Variants in ZNF699 observed in about 807,000 individuals in gnomAD.
ZNF699 encodes zinc finger protein 699.
A neutral mutation model predicts 22.5 loss-of-function variants in ZNF699; 18 were observed. The observed-to-expected ratio is 0.80, with a 90% CI of 0.55 to 1.19. ZNF699 has a LOEUF of 1.19. Among genes scored for constraint, ZNF699 ranks in the 50% most tolerant of loss-of-function variants. ZNF699 has a pLI of 0.00. For synonymous variants in ZNF699, 241 were observed against 262.3 expected, an observed-to-expected ratio of 0.92 and a Z score of 0.78; for missense variants, 670 against 763.4, an observed-to-expected ratio of 0.88 and a Z score of 1.44.
At chr19:9,304,932 A>AG (rs1009385579) in intron 2 of ZNF699, 140 bp downstream of exon 2, 2 of 597,764 alleles carry the variant, frequency 3.3e-6, no homozygotes, top group East Asian at 3.3e-5. Flanking sequence ...AAAAAAAAAA[A>AG]AAAAAAAACT....
rs1247813784 is a variant in ZNF699, at chr19:9,291,921, T to C, written c.*3554A>G. On this transcript the variant is annotated 3_prime_UTR_variant, in exon 6 of 6. Coordinates refer to ENST00000591998, the MANE Select transcript of ZNF699 (RefSeq NM_198535.3). The stretch of plus-strand genomic sequence containing the variant: ...TTCACCATGTTGGCCAGGCTGGTCT[T>C]AAACTCCTGACCTCAGGTGATCCGC... Among the ~76,000 whole-genome samples the C allele has an allele frequency of 6.6e-6, 1 of 152,032 alleles. No individual in the cohort carries two copies. Among genetic ancestry groups the C allele is most frequent in the Admixed American group, 6.6e-5 (1 of 15,260 alleles).
rs1332552192 is a variant in ZNF699 at position 9,296,892 on chromosome 19, T to G, written c.512A>C (p.Asn171Thr). The change falls in exon 6 of 6, where the codon AAT becomes ACT. Residue 171 changes from asparagine (N) to threonine (T), a missense_variant. Physicochemically the swap from Asn to Thr is moderately conservative, Grantham distance 65 (BLOSUM62 0). Coordinates refer to ENST00000591998, the MANE Select transcript of ZNF699 (RefSeq NM_198535.3). ...VENIYECYEE[N>T]QDGQTFSQVP... ...TTGGCTGAAAGTCTGTCCATCTTGA[T>G]TTTCTTCATAACATTCATAGATGTT... 1 of 1,612,566 alleles carries G rather than the reference T, an allele frequency of 6.2e-7. No homozygotes were observed. The highest frequency in any genetic ancestry group is 1.7e-5 in the Admixed American group (1 of 59,970).
In ZNF699 at chr19:9,296,685, T is replaced by C; in HGVS notation, c.719A>G (p.Lys240Arg). The C allele has an allele frequency of 1.9e-6, 3 of 1,611,116 alleles. No individual in the cohort carries two copies. The highest frequency in any genetic ancestry group is 2.5e-6 in the Non-Finnish European group (3 of 1,179,270). Residue 240 changes from lysine to arginine, a missense_variant, in exon 6 of 6, where the codon AAG becomes AGG. Coordinates refer to ENST00000591998, the MANE Select transcript of ZNF699 (RefSeq NM_198535.3). ...CTCTTCAGTGGGGGTTTTCATATGC[T>C]TCTTGAAACAAGCAAGAAAATGGAA... ...KAFHFLACFK[K>R]HMKTPTEEKP... is the part of the protein sequence containing the mutation.
chr19:9,297,728 GA>G lies in ZNF699; in HGVS notation c.286+151del. ...GTGGAAGGTCTTTGCCAAGAACAAG[GA>G]AAATGCGAGAGGACTGATAAAAAGT... On this transcript the variant is annotated intron_variant, in intron 4 of 5. Coordinates refer to ENST00000591998, the MANE Select transcript of ZNF699 (RefSeq NM_198535.3). This position sits in a 1 kb window ranked among gnomAD's most constrained non-coding sequence, Gnocchi z 4.3. The G allele has an allele frequency of 3.1e-6, 2 of 652,322 alleles. No individual in the cohort carries two copies. Among genetic ancestry groups the G allele is most frequent in the Non-Finnish European group, 2.6e-6 (1 of 384,296 alleles). 40.4% of individuals were successfully genotyped at this position (652,322 alleles called of 1,614,324 possible).
rs186685681 is a variant in ZNF699, at chr19:9,293,224, C to T, written c.*2251G>A. Among the ~76,000 whole-genome samples, 215 of 150,162 alleles carry T rather than the reference C, an allele frequency of 1.4e-3. No individual in the cohort carries two copies. The highest frequency in any genetic ancestry group is 1.7e-3 in the Non-Finnish European group (118 of 67,722). The stretch of plus-strand genomic sequence containing the variant: ...AAATCCAAATAGCCAATAAGCACAT[C>T]GAAAAGTACTCGAAATCATTACACA... On this transcript the variant is annotated 3_prime_UTR_variant, in exon 6 of 6. Transcript: ENST00000591998.
chr19:9,295,802 C>G lies in ZNF699; in HGVS notation c.1602G>C (p.Lys534Asn), dbSNP rs1394419687. 1.9e-6 allele frequency: 3 copies of G among 1,613,978 alleles called. No homozygotes were observed. The highest frequency in any genetic ancestry group is 2.5e-6 in the Non-Finnish European group (3 of 1,180,020). Residue 534 changes from lysine to asparagine, a missense_variant, in exon 6 of 6, where the codon AAG becomes AAC. Physicochemically the swap from Lys to Asn is moderately conservative, Grantham distance 94. Transcript: ENST00000591998. ...THTGEKPYECKKCGKAFIYPS... is the reference protein window; with the variant it reads ...THTGEKPYECNKCGKAFIYPS... ...GATAAATAAAGGCTTTCCCACATTT[C>G]TTACATTCATAGGGTTTCTCTCCAG...
At chr19:9,301,828 G>A (rs549196332) in intron 3 of ZNF699, among the ~76,000 whole-genome samples, 5 of 151,958 alleles carry the variant, frequency 3.3e-5, no homozygotes, top group East Asian at 1.9e-4. Context: ...CCACACTTTC[G>A]ATACTTAATA....
chr19:9,302,294 C>T, intron 3 of ZNF699, 84 bp downstream of exon 3: 1 of 1,529,062 alleles, frequency 6.5e-7, no homozygotes, highest in Non-Finnish European at 9.0e-7. Flanking sequence ...TCCCATTCCT[C>T]AGCCCAAATC....
In ZNF699 at chr19:9,296,454, C is replaced by A. The variant is rs1287657793; in HGVS notation, c.950G>T (p.Ser317Ile). The A allele has an allele frequency of 6.2e-7, 1 of 1,613,768 alleles. No individual in the cohort carries two copies. Among genetic ancestry groups the A allele is most frequent in the East Asian group, 2.2e-5 (1 of 44,842 alleles). The change falls in exon 6 of 6, where the codon AGT becomes ATT. Residue 317 changes from serine to isoleucine, a missense_variant. Ser to Ile is a moderately radical substitution (Grantham distance 142). Transcript: ENST00000591998. ...GTGTTTGGAGAGTGAGGAGGAACAA[C>A]TGAAGGCCTTCCCACATTCCTTACA... ...YECKECGKAF[S>I]CSSSLSKHKR...
In ZNF699 at chr19:9,297,070, G is replaced by T; in HGVS notation, c.471-137C>A. ...CTACGACAGCCAATACTGTCACTGA[G>T]TTATTGACTCACGGGATTTTTCTGA... On this transcript the variant is annotated intron_variant, in intron 5 of 5. Coordinates refer to ENST00000591998, the MANE Select transcript of ZNF699 (RefSeq NM_198535.3). This position sits in a 1 kb window ranked among gnomAD's most constrained non-coding sequence, Gnocchi z 4.3. The T allele has an allele frequency of 2.4e-6, 2 of 841,916 alleles. No homozygotes were observed. Among genetic ancestry groups the T allele is most frequent in the Non-Finnish European group, 3.5e-6 (2 of 564,736 alleles). The allele number at this position is 841,916 out of a possible 1,614,324, so 52.2% of individuals were successfully genotyped here.
At chr19:9,305,892 C>T (rs992370525) in intron 1 of ZNF699, among the ~76,000 whole-genome samples, 1 of 151,902 alleles carries the variant, frequency 6.6e-6, no homozygotes, top group Non-Finnish European at 1.5e-5. Context: ...TTAGTAGGGA[C>T]GGTGTTTCAC....
At chr19:9,301,134 A>AG (rs1568346109) in intron 3 of ZNF699, among the ~76,000 whole-genome samples, 2 of 146,450 alleles carry the variant, frequency 1.4e-5, no homozygotes, top group African/African-American at 5.5e-5. Flanking sequence ...CCTACAAAAA[A>AG]AAAAGAGAGA....
chr19:9,295,554 C>T lies in ZNF699; in HGVS notation c.1850G>A (p.Cys617Tyr), dbSNP rs1372952557. The change falls in exon 6 of 6, where the codon TGT becomes TAT. Residue 617 changes from cysteine to tyrosine, a missense_variant. Physicochemically the swap from Cys to Tyr is radical, Grantham distance 194. Transcript: ENST00000591998. ...AACAAAGGCTTTCCCACATTCCTTA[C>T]ATTCATAGGGTTTCTCTCCAGTGTG... ...RSHTGEKPYE[C>Y]KECGKAFVCP... is the part of the protein sequence containing the mutation. 6.2e-7 allele frequency: 1 copy of T among 1,614,168 alleles called. No individual in the cohort carries two copies. The highest frequency in any genetic ancestry group is 8.5e-7 in the Non-Finnish European group (1 of 1,179,998).
Position 9,297,770 on chromosome 19 carries a change from A to C in ZNF699, c.286+110T>G. ...GATAAAAAGTCAAAATAGTCATCTG[A>C]GCTATCTGTGGAAGATGAGCTTCCT... On this transcript the variant is annotated intron_variant, in intron 4 of 5. Transcript: ENST00000591998. This position sits in a 1 kb window ranked among gnomAD's most constrained non-coding sequence, Gnocchi z 4.3. 1 of 797,768 alleles carries C rather than the reference A, an allele frequency of 1.3e-6. No homozygotes were observed. The highest frequency in any genetic ancestry group is 2.5e-5 in the East Asian group (1 of 40,132). The allele number at this position is 797,768 out of a possible 1,614,324, so 49.4% of individuals were successfully genotyped here.
At chr19:9,301,968 T>C (rs2144980256) in intron 3 of ZNF699, among the ~76,000 whole-genome samples, 1 of 151,686 alleles carries the variant, frequency 6.6e-6, no homozygotes, top group South Asian at 2.1e-4. Context: ...AATGGAGCGA[T>C]CTTGGCTCAC....
intron 1 of ZNF699, among the ~76,000 whole-genome samples, chr19:9,309,030 G>A (rs1051098412): frequency 1.3e-5 from 2 of 151,848 alleles, no homozygotes; most frequent in African/African-American, 2.4e-5. Context: ...TTTTGAGACA[G>A]TGTCTCGCTC....
rs1337376930 is a variant in ZNF699, at chr19:9,304,790, G to A, written c.48+282C>T. On this transcript the variant is annotated intron_variant, in intron 2 of 5. Transcript: ENST00000591998. ...AATACAAAGTTAGCCGAGAGTGGTG[G>A]TGCATGCCTGTAGTCCCAGCCACTC... Among the ~76,000 whole-genome samples, 7 of 152,124 alleles carry A rather than the reference G, an allele frequency of 4.6e-5. No homozygotes were observed. The South Asian group carries it at 1.0e-3, about 22-fold the overall frequency.
intron 3 of ZNF699, among the ~76,000 whole-genome samples, chr19:9,300,896 C>T (rs780897107): frequency 6.6e-6 from 1 of 152,104 alleles, no homozygotes; most frequent in Non-Finnish European, 1.5e-5. Context: ...CTTCCAAACT[C>T]ATAGAATGTA....
At chr19:9,305,982 G>A (rs1030578680) in intron 1 of ZNF699, among the ~76,000 whole-genome samples, 5 of 151,826 alleles carry the variant, frequency 3.3e-5, no homozygotes, top group Non-Finnish European at 7.4e-5. Context: ...GATTACAGGC[G>A]TGAGCCACCG....
Sources: allele counts gnomAD v4.1 joint callset (sites outside exome capture counted in the v4.1 genomes callset), GRCh38; gene constraint gnomAD v4.1.1; non-coding constraint Gnocchi (gnomAD v3.1); transcripts MANE v1.5; gene names NCBI Gene and HGNC (gene_info 2026-07-23, HGNC 2026-07-21).